The following CREB1 variants were observed in gnomAD, a reference collection of about 807,000 sequenced individuals.
CREB1 encodes cyclic AMP-responsive element-binding protein 1.
A neutral mutation model predicts 42.0 loss-of-function variants in CREB1; 2 were observed. The ratio of observed to expected loss-of-function variants is 0.05; its 90% CI spans 0.02 to 0.15. CREB1 has a LOEUF of 0.15. Ranked by LOEUF, CREB1 falls within the 10% of genes least tolerant of loss-of-function variation. The pLI is 1.00. For synonymous variants in CREB1, 123 were observed against 139.9 expected (o/e 0.88, Z 0.85); for missense variants, 199 against 388.9 (o/e 0.51, Z 4.11).
At position 207,598,952 on chromosome 2, in the gene CREB1, C is replaced by T. The variant is rs139198232; in HGVS notation, c.*1894C>T. 12 of 184,242 alleles carry T rather than the reference C, an allele frequency of 6.5e-5. No individual in the cohort carries two copies. The highest frequency in any genetic ancestry group is 7.0e-5 in the African/African-American group (3 of 42,704). 11.4% of individuals were successfully genotyped at this position (184,242 alleles called of 1,614,324 possible). ...TTAGTCAAGAGTTATTTAAGAAAGT[C>T]AAGCTTGTTTAACAACAAAATATGA... On this transcript the variant is annotated 3_prime_UTR_variant, in exon 8 of 8. Transcript: ENST00000353267.
intron 1 of CREB1, among the ~76,000 whole-genome samples, chr2:207,532,627 C>A (rs546907023): frequency 1.3e-5 from 2 of 151,448 alleles, no homozygotes; most frequent in African/African-American, 4.9e-5. Context: ...GAGCCGAGAT[C>A]GCGCCACTGC....
At chr2:207,573,112 GCTAA>G (rs2106558351) in intron 5 of CREB1, among the ~76,000 whole-genome samples, 1 of 152,226 alleles carries the variant, frequency 6.6e-6, no homozygotes, top group African/African-American at 2.4e-5. Flanking sequence ...CAGATTCTTA[GCTAA>G]CTTTCTGTTT....
rs1195579263 is a variant in CREB1 at position 207,603,338 on chromosome 2, TTTTC to T, written c.*6283_*6286del. 2 of 223,998 alleles carry T rather than the reference TTTTC, an allele frequency of 8.9e-6. No individual in the cohort carries two copies. The highest frequency in any genetic ancestry group is 4.5e-5 in the African/African-American group (2 of 44,836). The allele number at this position is 223,998 out of a possible 1,614,324, so 13.9% of individuals were successfully genotyped here. ...TTGTGAAATATTGTCATAAAGTGCTTTTTCTTACTGTAATCTTTGTGGTATCAAC... is the reference window on the plus strand; with the variant it reads ...TTGTGAAATATTGTCATAAAGTGCTTTTACTGTAATCTTTGTGGTATCAAC... On this transcript the variant is annotated 3_prime_UTR_variant, in exon 8 of 8. Coordinates refer to ENST00000353267, the MANE Select transcript of CREB1 (RefSeq NM_004379.5).
At chr2:207,542,227 GT>G (rs2081125893) in intron 1 of CREB1, among the ~76,000 whole-genome samples, 1 of 152,160 alleles carries the variant, frequency 6.6e-6, no homozygotes, top group Non-Finnish European at 1.5e-5. Context: ...CTGCCGGGCT[GT>G]TTTCCAATCT....
intron 4 of CREB1, 120 bp from the exon 5 acceptor site, chr2:207,570,059 A>AAC (rs934663216): frequency 1.5e-6 from 1 of 669,068 alleles, no homozygotes; most frequent in African/African-American, 1.9e-5. Flanking sequence ...AAAAAAAAAA[A>AAC]AAACCTTCTG....
chr2:207,605,527 A>G lies in CREB1; in HGVS notation c.*8469A>G, dbSNP rs558870943. On this transcript the variant is annotated 3_prime_UTR_variant, in exon 8 of 8. Transcript: ENST00000353267. ...TACTTTATGTAATATGTACACTTCT[A>G]AAAAAAAGAAACATGGAAAAGGGCA... is the stretch of plus-strand genomic sequence containing the variant. Among the ~76,000 whole-genome samples, 3 of 147,764 alleles carry G rather than the reference A, an allele frequency of 2.0e-5. No individual in the cohort carries two copies. The highest frequency in any genetic ancestry group is 4.5e-5 in the Non-Finnish European group (3 of 67,384).
At chr2:207,584,662 A>G (rs948935644) in intron 7 of CREB1, among the ~76,000 whole-genome samples, 2 of 152,176 alleles carry the variant, frequency 1.3e-5, no homozygotes, top group African/African-American at 4.8e-5. Flanking sequence ...TCGGCCTCCC[A>G]AAATGCTGGG....
intron 5 of CREB1, among the ~76,000 whole-genome samples, chr2:207,574,773 A>G (rs2082508880): frequency 6.6e-6 from 1 of 152,206 alleles, no homozygotes; most frequent in African/African-American, 2.4e-5. Flanking sequence ...AGAGTTAGGG[A>G]ATACAATGCA....
intron 1 of CREB1, among the ~76,000 whole-genome samples, chr2:207,537,187 T>G (rs571992557): frequency 1.3e-5 from 2 of 152,072 alleles, no homozygotes; most frequent in Admixed American, 6.5e-5. Context: ...CCCAAGTAGC[T>G]GGGATTACAG....
intron 1 of CREB1, among the ~76,000 whole-genome samples, chr2:207,553,364 G>A (rs749969669): frequency 6.6e-6 from 1 of 151,990 alleles, no homozygotes; most frequent in African/African-American, 2.4e-5. Flanking sequence ...CCATCGCGCC[G>A]GGCCCAGGTA....
At chr2:207,577,993 C>G (rs2082661111) in intron 7 of CREB1, 2 of 294,212 alleles carry the variant, frequency 6.8e-6, no homozygotes. Context: ...TCAAGAAGAT[C>G]AAGAGTTTCA....
At chr2:207,576,781 C>G (rs1321378548) in intron 6 of CREB1, 1 of 1,039,290 alleles carries the variant, frequency 9.6e-7, no homozygotes, top group East Asian at 6.9e-5. Flanking sequence ...TTATAAAGAC[C>G]TTCAAATTTT....
At chr2:207,553,114 G>A (rs1201740332) in intron 1 of CREB1, among the ~76,000 whole-genome samples, 3 of 138,804 alleles carry the variant, frequency 2.2e-5, no homozygotes, top group African/African-American at 5.4e-5. Context: ...TGACACCGAG[G>A]CTGGAGTGCA....
At chr2:207,592,475 A>T (rs1257308632) in intron 7 of CREB1, among the ~76,000 whole-genome samples, 1 of 152,094 alleles carries the variant, frequency 6.6e-6, no homozygotes, top group Non-Finnish European at 1.5e-5. Context: ...CTGTGTGTAT[A>T]TAATGCTCCT....
In CREB1 at chr2:207,605,251, T is replaced by C. The variant is rs779932829; in HGVS notation, c.*8193T>C. Among the ~76,000 whole-genome samples the C allele has an allele frequency of 2.0e-5, 3 of 152,212 alleles. No individual in the cohort carries two copies. Among genetic ancestry groups the C allele is most frequent in the Non-Finnish European group, 4.4e-5 (3 of 68,036 alleles). Reference sequence around the variant, plus strand: ...ACTTATTTTGCCATTTTAAAAATTATAGCCATCCTCATGGGTGTGGTCTCT... The same window carrying C: ...ACTTATTTTGCCATTTTAAAAATTACAGCCATCCTCATGGGTGTGGTCTCT... On this transcript the variant is annotated 3_prime_UTR_variant, in exon 8 of 8. Transcript: ENST00000353267.
chr2:207,580,842 G>A (rs2106608609), intron 7 of CREB1: 1 of 220,846 alleles, frequency 4.5e-6, no homozygotes, highest in South Asian at 1.8e-4. Context: ...CTGGGTCTAG[G>A]ATCCTGGGCT....
intron 3 of CREB1, among the ~76,000 whole-genome samples, chr2:207,567,223 T>C (rs1191120643): frequency 6.6e-6 from 1 of 152,106 alleles, no homozygotes; most frequent in African/African-American, 2.4e-5. Flanking sequence ...TCAGGATTGA[T>C]TACATGGAGT....
intron 4 of CREB1, among the ~76,000 whole-genome samples, chr2:207,569,550 C>T (rs960234779): frequency 6.6e-6 from 1 of 151,696 alleles, no homozygotes; most frequent in Non-Finnish European, 1.5e-5. Flanking sequence ...TACTTTCCGA[C>T]TTTGTGTATG....
At chr2:207,533,299 A>G (rs1203524210) in intron 1 of CREB1, among the ~76,000 whole-genome samples, 1 of 152,104 alleles carries the variant, frequency 6.6e-6, no homozygotes, top group Admixed American at 6.5e-5. Flanking sequence ...TCTGAAACTC[A>G]TATTCTTGAT....
Sources: gnomAD v4.1 joint callset for allele counts (sites outside exome capture counted in the v4.1 genomes callset) on GRCh38, gnomAD v4.1.1 for gene constraint, MANE v1.5 for transcripts, NCBI Gene and HGNC (gene_info 2026-07-23, HGNC 2026-07-21) for gene names.